Variants in CPXM2 observed in about 807,000 individuals in gnomAD.
CPXM2 encodes inactive carboxypeptidase-like protein X2.
A neutral mutation model predicts 86.1 loss-of-function variants in CPXM2; 66 were observed. The observed-to-expected ratio is 0.77, with a 90% confidence interval of 0.63 to 0.94. The LOEUF (loss-of-function observed/expected upper bound fraction) is 0.94. CPXM2 is among the 40% of genes least tolerant of loss of function. CPXM2 has a pLI of 0.00. For missense variants in CPXM2, 948 were observed against 1,026.3 expected (o/e 0.92, Z 1.04); for synonymous variants, 388 against 400.2 (o/e 0.97, Z 0.36).
At chr10:123,912,883 A>G (rs937416714) in intron 2 of CPXM2, among the ~76,000 whole-genome samples, 2 of 152,244 alleles carry the variant, frequency 1.3e-5, no homozygotes, top group Non-Finnish European at 2.9e-5. Context: ...CCAACTAGGT[A>G]TAGAGGGTCA....
chr10:123,833,398 T>C (rs925208690), intron 4 of CPXM2, among the ~76,000 whole-genome samples: 1 of 152,222 alleles, frequency 6.6e-6, no homozygotes, highest in African/African-American at 2.4e-5. Flanking sequence ...CAGATGCTAC[T>C]TCTTAGCTGC....
intron 2 of CPXM2, among the ~76,000 whole-genome samples, chr10:123,925,646 G>A (rs529616228): frequency 6.6e-6 from 1 of 152,214 alleles, no homozygotes; most frequent in Admixed American, 6.5e-5. Context: ...TGTATTATGA[G>A]GTAAAGCTTG....
At chr10:123,934,306 A>G (rs1429741400) in intron 2 of CPXM2, among the ~76,000 whole-genome samples, 1 of 152,178 alleles carries the variant, frequency 6.6e-6, no homozygotes, top group Non-Finnish European at 1.5e-5. Context: ...CGGTGTCAGC[A>G]GAACCACATG....
At chr10:123,861,346 A>G (rs1371237545) in intron 3 of CPXM2, among the ~76,000 whole-genome samples, 1 of 152,248 alleles carries the variant, frequency 6.6e-6, no homozygotes. Context: ...AGAGCCACAC[A>G]GGACGGTAGA....
chr10:123,838,159 A>G lies in CPXM2; in HGVS notation c.653+4190T>C, dbSNP rs191353717. Among the ~76,000 whole-genome samples the G allele has an allele frequency of 3.8e-3, 574 of 152,340 alleles. 4 individuals carry two copies. Among genetic ancestry groups the G allele is most frequent in the African/African-American group, 0.013 (537 of 41,576 alleles). On this transcript the variant is annotated intron_variant, in intron 4 of 13. Transcript: ENST00000241305. ...GAAACAAATAAGATTATGCATGTTC[A>G]TTTTAAAATTCCAACTACAGGGCAA...
intron 2 of CPXM2, among the ~76,000 whole-genome samples, chr10:123,909,444 G>A (rs1945470979): frequency 6.6e-6 from 1 of 152,206 alleles, no homozygotes; most frequent in Non-Finnish European, 1.5e-5. Context: ...GCAAGGGAAA[G>A]CAGCTGTATA....
At chr10:123,800,901 C>T (rs1432195749) in intron 4 of CPXM2, among the ~76,000 whole-genome samples, 1 of 152,144 alleles carries the variant, frequency 6.6e-6, no homozygotes, top group Non-Finnish European at 1.5e-5. Context: ...TAGTTGACCC[C>T]TCCACTTAAA....
intron 2 of CPXM2, among the ~76,000 whole-genome samples, chr10:123,904,714 A>G (rs900841988): frequency 6.6e-6 from 1 of 151,894 alleles, no homozygotes; most frequent in Admixed American, 6.6e-5. Context: ...CTATTCATGA[A>G]TCTCCTTTTC....
At chr10:123,768,758 T>C (rs750747933) in intron 8 of CPXM2, 36 bp from the exon 9 acceptor site, 146 of 1,582,108 alleles carry the variant, frequency 9.2e-5, no homozygotes, top group Non-Finnish European at 3.8e-5. Flanking sequence ...CAGGTTCACG[T>C]TGAAACACTT....
intron 3 of CPXM2, among the ~76,000 whole-genome samples, chr10:123,852,202 C>T (rs1398333018): frequency 6.6e-6 from 1 of 152,194 alleles, no homozygotes; most frequent in East Asian, 1.9e-4. Context: ...ACCTGCTCCT[C>T]TCCTTCCCAG....
At chr10:123,822,913 T>C (rs1847959893) in intron 4 of CPXM2, among the ~76,000 whole-genome samples, 1 of 152,108 alleles carries the variant, frequency 6.6e-6, no homozygotes, top group Non-Finnish European at 1.5e-5. Context: ...TTCTTTTTGG[T>C]ATAATAAAAA....
chr10:123,803,654 T>TTTTTTG (rs979165512), intron 4 of CPXM2, among the ~76,000 whole-genome samples: 4 of 151,890 alleles, frequency 2.6e-5, no homozygotes, highest in African/African-American at 9.7e-5. Context: ...TTTTCTTCTG[T>TTTTTTG]TTTTTGTTTT....
chr10:123,867,479 TTTC>T lies in CPXM2; in HGVS notation c.404-4759_404-4757del, dbSNP rs536672797. ...TCAGAATATTTCAACCTGATTCATT[TTTC>T]TTCTTTTCTTTCTACCTTCAGAGCG... On this transcript the variant is annotated intron_variant, in intron 2 of 13. Transcript: ENST00000241305. 1.2e-3 allele frequency among the ~76,000 whole-genome samples: 181 copies of T among 152,206 alleles called. 1 individual carries two copies. Among genetic ancestry groups the T allele is most frequent in the African/African-American group, 4.2e-3 (174 of 41,536 alleles).
At chr10:123,913,976 A>G (rs7893288) in intron 2 of CPXM2, 307,100 of 479,224 alleles carry the variant, frequency 0.64, 102,202 homozygotes, top group African/African-American at 0.93. Flanking sequence ...AGTGAGCACC[A>G]GAGTCAGGCC....
intron 4 of CPXM2, among the ~76,000 whole-genome samples, chr10:123,839,248 G>A (rs987863907): frequency 1.3e-5 from 2 of 152,166 alleles, no homozygotes; most frequent in African/African-American, 4.8e-5. Flanking sequence ...AGAAATCTCA[G>A]AACCAGCAAG....
intron 6 of CPXM2, among the ~76,000 whole-genome samples, chr10:123,787,388 CT>C (rs935693267): frequency 1.6e-4 from 24 of 150,298 alleles, no homozygotes; most frequent in South Asian, 2.1e-4. Context: ...CTACATGAGA[CT>C]TTTTTTTTTC....
intron 6 of CPXM2, among the ~76,000 whole-genome samples, chr10:123,790,359 A>C (rs1847178480): frequency 2.0e-5 from 3 of 151,402 alleles, no homozygotes; most frequent in Non-Finnish European, 2.9e-5. Flanking sequence ...GGGGTGACTC[A>C]GGATGGAGCA....
chr10:123,767,675 G>C (rs996290940), intron 9 of CPXM2, among the ~76,000 whole-genome samples: 10 of 152,104 alleles, frequency 6.6e-5, no homozygotes, highest in African/African-American at 2.2e-4. Flanking sequence ...CAGGTATTGA[G>C]ATATATCACT....
chr10:123,767,924 T>C (rs1846521408), intron 9 of CPXM2, among the ~76,000 whole-genome samples: 1 of 152,174 alleles, frequency 6.6e-6, no homozygotes, highest in African/African-American at 2.4e-5. Context: ...ACATAAAGTG[T>C]TACTATTGGA....
Sources: allele counts gnomAD v4.1 joint callset (sites outside exome capture counted in the v4.1 genomes callset), GRCh38; gene constraint gnomAD v4.1.1; transcripts MANE v1.5; gene names NCBI Gene and HGNC (gene_info 2026-07-23, HGNC 2026-07-21).